RFTN1: variants seen among roughly 807,000 people sequenced by gnomAD.
The protein encoded by RFTN1 is raftlin.
Under a neutral mutation model 46.5 loss-of-function variants are expected in RFTN1, and 26 were observed. The observed-to-expected ratio is 0.56, with a 90% CI of 0.41 to 0.78. RFTN1 has a LOEUF of 0.78. Among genes scored for constraint, RFTN1 ranks in the 30% least tolerant of loss-of-function variants. The pLI, the probability that RFTN1 is intolerant of heterozygous loss-of-function variation, is 0.00. For synonymous variants in RFTN1, 261 were observed against 284.2 expected (o/e 0.92, Z 0.82); for missense variants, 693 against 718.7 (o/e 0.96, Z 0.41).
rs569020949 is a variant in RFTN1, at chr3:16,440,860, T to G, written c.146-6823A>C. On this transcript the variant is annotated intron_variant, in intron 2 of 9. Transcript: ENST00000334133. This position sits in a 1 kb window ranked among gnomAD's most constrained non-coding sequence, Gnocchi z 4.6. ...AGTATGGATGGGGCATTTGATAAAG[T>G]TGGGGGATGGATGCCCCGCACTTCT... is the stretch of plus-strand genomic sequence containing the variant. Among the ~76,000 whole-genome samples the G allele has an allele frequency of 1.3e-5, 2 of 152,314 alleles. No individual in the cohort carries two copies. Among genetic ancestry groups the G allele is most frequent in the East Asian group, 3.9e-4 (2 of 5,186 alleles).
intron 7 of RFTN1, among the ~76,000 whole-genome samples, chr3:16,328,730 G>A (rs1243619349): frequency 6.6e-6 from 1 of 152,182 alleles, no homozygotes; most frequent in Non-Finnish European, 1.5e-5. Flanking sequence ...CCCGGAATCT[G>A]TGTTTTAAAA....
chr3:16,476,150 C>T (rs529595920), intron 2 of RFTN1, among the ~76,000 whole-genome samples: 2 of 152,316 alleles, frequency 1.3e-5, no homozygotes, highest in Non-Finnish European at 2.9e-5. Flanking sequence ...TGCATCCTCG[C>T]TTTGCCAGTT....
At position 16,391,858 on chromosome 3, in the gene RFTN1, GTTTT is replaced by G. The variant is rs1272551461; in HGVS notation, c.442-13760_442-13757del. Among the ~76,000 whole-genome samples, 19 of 49,122 alleles carry G rather than the reference GTTTT, an allele frequency of 3.9e-4. 1 individual carries two copies. Among genetic ancestry groups the G allele is most frequent in the Admixed American group, 6.5e-4 (2 of 3,088 alleles). The allele number at this position is 49,122 out of a possible 152,430, so 32.2% of individuals were successfully genotyped here. On this transcript the variant is annotated intron_variant, in intron 4 of 9. Coordinates refer to ENST00000334133, the MANE Select transcript of RFTN1 (RefSeq NM_015150.2). The stretch of plus-strand genomic sequence containing the variant: ...TAGAGATTATCATTCTAGTGCAAAG[GTTTT>G]TTTTTTGTTTTTTTTTTTTGTTTTT...
At position 16,479,018 on chromosome 3, in the gene RFTN1, C is replaced by T. The variant is rs2076325894; in HGVS notation, c.145+14707G>A. On this transcript the variant is annotated intron_variant, in intron 2 of 9. Transcript: ENST00000334133. The surrounding 1 kb of genome is among the most constrained non-coding windows in gnomAD (Gnocchi z 5.1). ...ACTAGGTACACAAGGCCGTGGATACCAGTAGGCAGGGGTCACTGGGGGCCA... is the reference window on the plus strand; with the variant it reads ...ACTAGGTACACAAGGCCGTGGATACTAGTAGGCAGGGGTCACTGGGGGCCA... Among the ~76,000 whole-genome samples, 2 of 152,146 alleles carry T rather than the reference C, an allele frequency of 1.3e-5. No homozygotes were observed. Among genetic ancestry groups the T allele is most frequent in the African/African-American group, 2.4e-5 (1 of 41,414 alleles).
chr3:16,341,614 A>T lies in RFTN1; in HGVS notation c.1147-14738T>A. On this transcript the variant is annotated intron_variant, in intron 7 of 9. Coordinates refer to ENST00000334133, the MANE Select transcript of RFTN1 (RefSeq NM_015150.2). The surrounding 1 kb of genome is among the most constrained non-coding windows in gnomAD (Gnocchi z 4.7). ...TATGAACCTAAAACTACTCTAAAAT[A>T]TAAAGTTTATTTTTCTAAAAAAAAG... Among the ~76,000 whole-genome samples the T allele has an allele frequency of 6.6e-6, 1 of 152,198 alleles. No individual in the cohort carries two copies. Among genetic ancestry groups the T allele is most frequent in the East Asian group, 1.9e-4 (1 of 5,202 alleles).
rs763361472 is a variant in RFTN1 at position 16,434,393 on chromosome 3, C to CAA, written c.146-358_146-357dup. On this transcript the variant is annotated intron_variant, in intron 2 of 9. Coordinates refer to ENST00000334133, the MANE Select transcript of RFTN1 (RefSeq NM_015150.2). ...ACAAACAAACAAACAAACAAACAAACAAAAACAAAAAAACCCCCTCAAAAT... is the reference window on the plus strand; with the variant it reads ...ACAAACAAACAAACAAACAAACAAACAAAAAAACAAAAAAACCCCCTCAAAAT... Among the ~76,000 whole-genome samples the CAA allele has an allele frequency of 5.3e-5, 6 of 113,332 alleles. No individual in the cohort carries two copies. In the East Asian group the frequency reaches 7.4e-4, roughly 14 times the overall value. 74.4% of individuals were successfully genotyped at this position (113,332 alleles called of 152,430 possible). A position where few individuals can be genotyped will look rare whatever the true frequency, so the allele number is the denominator to read the frequency against.
rs1272833549 is a variant in RFTN1, at chr3:16,506,535, A to G, written c.-9+6907T>C. On this transcript the variant is annotated intron_variant, in intron 1 of 9. Transcript: ENST00000334133. This position sits in a 1 kb window ranked among gnomAD's most constrained non-coding sequence, Gnocchi z 4.8. Reference sequence around the variant, plus strand: ...GTTTTGAAGGCAGAAAACAGGATTGACTGATGATTTGGAAAAAGGGGATGA... The same window carrying G: ...GTTTTGAAGGCAGAAAACAGGATTGGCTGATGATTTGGAAAAAGGGGATGA... Among the ~76,000 whole-genome samples the G allele has an allele frequency of 6.6e-6, 1 of 152,096 alleles. No homozygotes were observed. The highest frequency in any genetic ancestry group is 1.9e-4 in the East Asian group (1 of 5,190).
At chr3:16,326,508 G>A (rs2069707093) in intron 8 of RFTN1, among the ~76,000 whole-genome samples, 1 of 152,222 alleles carries the variant, frequency 6.6e-6, no homozygotes, top group Non-Finnish European at 1.5e-5. Context: ...AGCCCTCTCA[G>A]TCTGAGCGGC....
chr3:16,492,143 T>G (rs1222339126), intron 2 of RFTN1, among the ~76,000 whole-genome samples: 1 of 152,162 alleles, frequency 6.6e-6, no homozygotes, highest in Non-Finnish European at 1.5e-5. Flanking sequence ...GACTGACCCA[T>G]CAAGGGCACC....
rs912144450 is a variant in RFTN1, at chr3:16,402,610, T to G, written c.441+6765A>C. ...CTTGTAGAAATGAAACTCTGAATAC[T>G]CAACAATCAGCCAGAAAGTAAATGA... On this transcript the variant is annotated intron_variant, in intron 4 of 9. Transcript: ENST00000334133. The surrounding 1 kb of genome is among the most constrained non-coding windows in gnomAD (Gnocchi z 4.5). 2.5e-4 allele frequency among the ~76,000 whole-genome samples: 38 copies of G among 152,136 alleles called. No homozygotes were observed. Among genetic ancestry groups the G allele is most frequent in the African/African-American group, 8.9e-4 (37 of 41,412 alleles).
rs2075194569 is a variant in RFTN1 at position 16,421,946 on chromosome 3, G to A, written c.332+11905C>T. Among the ~76,000 whole-genome samples the A allele has an allele frequency of 6.6e-6, 1 of 152,094 alleles. No individual in the cohort carries two copies. Among genetic ancestry groups the A allele is most frequent in the Non-Finnish European group, 1.5e-5 (1 of 68,020 alleles). On this transcript the variant is annotated intron_variant, in intron 3 of 9. Coordinates refer to ENST00000334133, the MANE Select transcript of RFTN1 (RefSeq NM_015150.2). The surrounding 1 kb of genome is among the most constrained non-coding windows in gnomAD (Gnocchi z 4.6). Reference sequence around the variant, plus strand: ...GCCCCTCCTGCTCCATACAGCACATGTGACCTCTGACATACACACCAAGCC... The same window carrying A: ...GCCCCTCCTGCTCCATACAGCACATATGACCTCTGACATACACACCAAGCC...
At chr3:16,435,465 G>A (rs772852624) in intron 2 of RFTN1, among the ~76,000 whole-genome samples, 4 of 152,178 alleles carry the variant, frequency 2.6e-5, no homozygotes, top group Admixed American at 6.5e-5. Context: ...AGCTACTCGG[G>A]AGGCTGAGGC....
chr3:16,510,615 T>C (rs577797516), intron 1 of RFTN1, among the ~76,000 whole-genome samples: 4 of 152,350 alleles, frequency 2.6e-5, no homozygotes, highest in African/African-American at 7.2e-5. Flanking sequence ...CTCTTGACTT[T>C]AGGATAGGAA....
At position 16,482,869 on chromosome 3, in the gene RFTN1, G is replaced by A. The variant is rs1457458581; in HGVS notation, c.145+10856C>T. On this transcript the variant is annotated intron_variant, in intron 2 of 9. Coordinates refer to ENST00000334133, the MANE Select transcript of RFTN1 (RefSeq NM_015150.2). ...TGAAGATGAAGGACTGTACGAGGAG[G>A]AGCCTCCCACCGGGGTGAGCTTAAA... 12 of 1,529,528 alleles carry A rather than the reference G, an allele frequency of 7.8e-6. No individual in the cohort carries two copies. The Admixed American group carries it at 2.4e-4, about 30-fold the overall frequency. The allele number at this position is 1,529,528 out of a possible 1,614,324, so 94.7% of individuals were successfully genotyped here. A position where few individuals can be genotyped will look rare whatever the true frequency, so the allele number is the denominator to read the frequency against.
chr3:16,462,440 A>T (rs1575326500), intron 2 of RFTN1, among the ~76,000 whole-genome samples: 2 of 152,358 alleles, frequency 1.3e-5, no homozygotes, highest in East Asian at 3.9e-4. Context: ...AGAGGTGTTT[A>T]TCCTGTTTTA....
At chr3:16,416,048 G>A in intron 3 of RFTN1, 1 of 221,988 alleles carries the variant, frequency 4.5e-6, no homozygotes. Context: ...CTCAGAAACA[G>A]CCTGGGGAAA....
chr3:16,495,552 C>A (rs1469033488), intron 1 of RFTN1, among the ~76,000 whole-genome samples: 2 of 151,426 alleles, frequency 1.3e-5, no homozygotes, highest in African/African-American at 4.9e-5. Flanking sequence ...ATGGCAGGGA[C>A]CTGGATTGGG....
At chr3:16,491,103 A>T (rs2076532812) in intron 2 of RFTN1, among the ~76,000 whole-genome samples, 1 of 152,220 alleles carries the variant, frequency 6.6e-6, no homozygotes, top group African/African-American at 2.4e-5. Flanking sequence ...GTTACATGGT[A>T]AGAAGTGCTA....
intron 2 of RFTN1, among the ~76,000 whole-genome samples, chr3:16,445,546 C>T (rs1312652251): frequency 6.6e-6 from 1 of 150,956 alleles, no homozygotes; most frequent in Non-Finnish European, 1.5e-5. Context: ...CTGTCCAAGA[C>T]AGTAGCCACA....
Sources: allele counts gnomAD v4.1 joint callset (sites outside exome capture counted in the v4.1 genomes callset), GRCh38; gene constraint gnomAD v4.1.1; non-coding constraint Gnocchi (gnomAD v3.1); transcripts MANE v1.5; gene names NCBI Gene and HGNC (gene_info 2026-07-23, HGNC 2026-07-21).